The following MOV10L1 variants were observed in gnomAD, a reference collection of about 807,000 sequenced individuals.
MOV10L1 encodes the protein Mov10 like RNA helicase 1, also known as RNA helicase Mov10l1.
In MOV10L1, 110 loss-of-function variants were observed where a neutral mutation model predicts 143.8. The observed-to-expected ratio is 0.76, with a 90% CI of 0.66 to 0.90. The LOEUF (loss-of-function observed/expected upper bound fraction) is 0.90, where lower values mean the gene tolerates loss of function less well. MOV10L1 is among the 40% of genes least tolerant of loss of function. The pLI is 0.00. For synonymous variants in MOV10L1, 593 were observed against 581.1 expected (o/e 1.02, Z -0.29); for missense variants, 1,406 against 1,526.8 (o/e 0.92, Z 1.32).
Position 50,144,237 on chromosome 22 carries a change from CGAG to C in MOV10L1, c.2504_2505+1del, listed in dbSNP as rs2063072241. ...TCCGGGTGAACGCCACCTGCAGGTTCGAGGAGGTGAGCCCTTGGTGCAAGCAGT... is the reference window on the plus strand; with the variant it reads ...TCCGGGTGAACGCCACCTGCAGGTTCGAGGTGAGCCCTTGGTGCAAGCAGT... On this transcript the variant is annotated inframe_deletion, in exon 18 of 27. Coordinates refer to ENST00000262794, the MANE Select transcript of MOV10L1 (RefSeq NM_018995.3). 6.2e-7 allele frequency: 1 copy of C among 1,600,346 alleles called. No homozygotes were observed. The highest frequency in any genetic ancestry group is 8.5e-7 in the Non-Finnish European group (1 of 1,169,918).
rs139879926 is a variant in MOV10L1, at chr22:50,121,550, G to A, written c.1569+934G>A. 5.6e-3 allele frequency among the ~76,000 whole-genome samples: 848 copies of A among 152,324 alleles called. 9 individuals are homozygous for A. Among genetic ancestry groups the A allele is most frequent in the African/African-American group, 0.019 (792 of 41,566 alleles). On this transcript the variant is annotated intron_variant, in intron 10 of 26. Transcript: ENST00000262794. ...GAAGGTGCAAATTCAATCCACTGCCGTGATAGAAACAAGTTCAGATGTGTT... is the reference window on the plus strand; with the variant it reads ...GAAGGTGCAAATTCAATCCACTGCCATGATAGAAACAAGTTCAGATGTGTT...
chr22:50,161,402 G>A lies in MOV10L1; in HGVS notation c.3589G>A (p.Val1197Met). ...GGGGGTGGCAGACCCCTCCTACCCA[G>A]TGGTGCCAGAATCCACAGGACCAGA... ...GEGVADPSYP[V>M]VPESTGPEKH... The change falls in exon 27 of 27, where the codon GTG (valine) becomes ATG (methionine). Residue 1197 changes from valine to methionine, a missense_variant. Coordinates refer to ENST00000262794, the MANE Select transcript of MOV10L1 (RefSeq NM_018995.3). 6.2e-7 allele frequency: 1 copy of A among 1,601,966 alleles called. No homozygotes were observed. Among genetic ancestry groups the A allele is most frequent in the Non-Finnish European group, 8.5e-7 (1 of 1,174,532 alleles).
chr22:50,111,486 CTTTTT>C (rs529438045), intron 5 of MOV10L1, among the ~76,000 whole-genome samples: 2 of 59,148 alleles, frequency 3.4e-5, no homozygotes, highest in Non-Finnish European at 6.4e-5. Flanking sequence ...TCTGTCTTTG[CTTTTT>C]TTTTTTTTTT....
chr22:50,128,446 A>T lies in MOV10L1; in HGVS notation c.1849A>T (p.Asn617Tyr). ...IHEEDVTLKI[N>Y]PEFEQAYNFE... is the part of the protein sequence containing the mutation. ...TGAAGAAGATGTAACTCTTAAAATTAATCCAGAATTTGAACAAGCCTATAA... is the reference window on the plus strand; with the variant it reads ...TGAAGAAGATGTAACTCTTAAAATTTATCCAGAATTTGAACAAGCCTATAA... The change falls in exon 13 of 27, where the codon AAT (asparagine) becomes TAT (tyrosine). Residue 617 changes from asparagine to tyrosine, a missense_variant. Coordinates refer to ENST00000262794, the MANE Select transcript of MOV10L1 (RefSeq NM_018995.3). 6.4e-7 allele frequency: 1 copy of T among 1,553,726 alleles called. No homozygotes were observed. Among genetic ancestry groups the T allele is most frequent in the Non-Finnish European group, 8.8e-7 (1 of 1,130,080 alleles).
rs1352323731 is a variant in MOV10L1, at chr22:50,152,090, T to A, written c.2893-955T>A. Among the ~76,000 whole-genome samples, 1 of 152,224 alleles carries A rather than the reference T, an allele frequency of 6.6e-6. No individual in the cohort carries two copies. Among genetic ancestry groups the A allele is most frequent in the African/African-American group, 2.4e-5 (1 of 41,470 alleles). ...TTAGGCTTGACAGAGTCGGGAGGAC[T>A]CACGGGGCCAATCATGGCGTTCTCG... is the stretch of plus-strand genomic sequence containing the variant. On this transcript the variant is annotated intron_variant, in intron 21 of 26. Coordinates refer to ENST00000262794, the MANE Select transcript of MOV10L1 (RefSeq NM_018995.3). The surrounding 1 kb of genome is among the most constrained non-coding windows in gnomAD (Gnocchi z 4.4).
At chr22:50,149,835 C>A in intron 20 of MOV10L1, 121 bp downstream of exon 20, 1 of 827,178 alleles carries the variant, frequency 1.2e-6, no homozygotes, top group Non-Finnish European at 1.9e-6. Context: ...GTGCCAAGGA[C>A]CCCGAGGTGT....
At chr22:50,146,672 G>T (rs1479559409) in intron 19 of MOV10L1, among the ~76,000 whole-genome samples, 2 of 152,044 alleles carry the variant, frequency 1.3e-5, no homozygotes, top group Admixed American at 6.5e-5. Flanking sequence ...CCTGGAGACA[G>T]GTCACCCTGG....
chr22:50,142,439 C>CT (rs1232917784), intron 16 of MOV10L1, among the ~76,000 whole-genome samples: 1 of 152,070 alleles, frequency 6.6e-6, no homozygotes, highest in Admixed American at 6.5e-5. Flanking sequence ...AATCCAGTCT[C>CT]TAATATTTGA....
chr22:50,090,642 C>G (rs1318192840), intron 1 of MOV10L1: 8 of 1,175,372 alleles, frequency 6.8e-6, no homozygotes, highest in Non-Finnish European at 9.9e-6. Context: ...GGGATGCGCC[C>G]GGATGCCCTC....
intron 19 of MOV10L1, chr22:50,147,085 G>T: frequency 6.4e-7 from 1 of 1,562,236 alleles, no homozygotes; most frequent in Non-Finnish European, 8.7e-7. Flanking sequence ...TCACTGGGGT[G>T]CAGAGGGCTC....
intron 8 of MOV10L1, among the ~76,000 whole-genome samples, chr22:50,116,585 A>G (rs1327687334): frequency 6.6e-6 from 1 of 152,100 alleles, no homozygotes. Flanking sequence ...ATTCTGACTT[A>G]AAATTGGGAA....
chr22:50,135,791 T>G (rs1351479586), intron 15 of MOV10L1, among the ~76,000 whole-genome samples: 2 of 150,364 alleles, frequency 1.3e-5, no homozygotes, highest in East Asian at 3.9e-4. Context: ...AGTCACTCCA[T>G]AAATAGTAAT....
chr22:50,159,320 T>G lies in MOV10L1; in HGVS notation c.3217-358T>G, dbSNP rs895663851. ...ATGTGTAAAGAGATGGATTTGTACA[T>G]GTCGGGCGTGGTGGCTCACGCCTGT... is the stretch of plus-strand genomic sequence containing the variant. On this transcript the variant is annotated intron_variant, in intron 23 of 26. Transcript: ENST00000262794. The surrounding 1 kb of genome is among the most constrained non-coding windows in gnomAD (Gnocchi z 4.1). 6.1e-6 allele frequency: 1 copy of G among 163,318 alleles called. No individual in the cohort carries two copies. Among genetic ancestry groups the G allele is most frequent in the Non-Finnish European group, 1.3e-5 (1 of 75,736 alleles). The allele number at this position is 163,318 out of a possible 1,614,324, so 10.1% of individuals were successfully genotyped here. A position where few individuals can be genotyped will look rare whatever the true frequency, so the allele number is the denominator to read the frequency against.
At position 50,161,676 on chromosome 22, in the gene MOV10L1, G is replaced by A. The variant is rs751347711; in HGVS notation, c.*227G>A. On this transcript the variant is annotated 3_prime_UTR_variant, in exon 27 of 27. Coordinates refer to ENST00000262794, the MANE Select transcript of MOV10L1 (RefSeq NM_018995.3). ...GCCGCCTACCCTGAAATAAACCCTC[G>A]AGTGACCCCCAGAAGCCTTTCCACC... is the stretch of plus-strand genomic sequence containing the variant. 13 of 504,674 alleles carry A rather than the reference G, an allele frequency of 2.6e-5. No individual in the cohort carries two copies. The highest frequency in any genetic ancestry group is 1.5e-4 in the Admixed American group (4 of 26,968). The allele number at this position is 504,674 out of a possible 1,614,324, so 31.3% of individuals were successfully genotyped here.
intron 8 of MOV10L1, among the ~76,000 whole-genome samples, chr22:50,116,446 CAA>C (rs559872532): frequency 1.1e-4 from 10 of 91,060 alleles, no homozygotes; most frequent in Admixed American, 1.1e-4. Context: ...GACTCCGTCT[CAA>C]AAAAAAAAAA....
intron 9 of MOV10L1, among the ~76,000 whole-genome samples, chr22:50,120,175 C>T (rs1473406483): frequency 1.3e-5 from 2 of 152,146 alleles, no homozygotes; most frequent in African/African-American, 4.8e-5. Context: ...AAGAGCTTAG[C>T]TCATAGAATG....
chr22:50,104,000 C>G (rs934671631), intron 3 of MOV10L1, among the ~76,000 whole-genome samples: 1 of 151,922 alleles, frequency 6.6e-6, no homozygotes, highest in Non-Finnish European at 1.5e-5. Flanking sequence ...CAGTGGGAGC[C>G]CTGAGCTTGT....
intron 22 of MOV10L1, among the ~76,000 whole-genome samples, chr22:50,154,639 G>A (rs1350733540): frequency 2.6e-5 from 4 of 152,156 alleles, no homozygotes; most frequent in African/African-American, 9.7e-5. Context: ...CCTGGCCTAG[G>A]ATCTGTCCAC....
intron 15 of MOV10L1, among the ~76,000 whole-genome samples, chr22:50,140,368 C>T (rs2062945388): frequency 6.6e-6 from 1 of 152,190 alleles, no homozygotes; most frequent in Non-Finnish European, 1.5e-5. Flanking sequence ...TCAAGTCACA[C>T]ACTTTAAATA....
Sources: allele counts gnomAD v4.1 joint callset (sites outside exome capture counted in the v4.1 genomes callset), GRCh38; gene constraint gnomAD v4.1.1; non-coding constraint Gnocchi (gnomAD v3.1); transcripts MANE v1.5; gene names NCBI Gene and HGNC (gene_info 2026-07-23, HGNC 2026-07-21).